The following ZNF277 variants were observed in gnomAD, a reference collection of about 807,000 sequenced individuals.
ZNF277 encodes zinc finger protein 277.
ZNF277 carries 55 observed loss-of-function variants against 60.7 expected under a neutral mutation model. The observed-to-expected ratio is 0.91, with a 90% CI of 0.73 to 1.13. The LOEUF is 1.13. ZNF277 is among the 50% of genes most tolerant of loss of function. The probability of loss-of-function intolerance (pLI) is 0.00; values close to 1 mark genes in which losing one functional copy is unlikely to be tolerated. For missense variants in ZNF277, 510 were observed against 523.0 expected, an observed-to-expected ratio of 0.98 and a Z score of 0.24; for synonymous variants, 178 against 179.3, an observed-to-expected ratio of 0.99 and a Z score of 0.06.
At chr7:112,281,013 A>C (rs929750148) in intron 1 of ZNF277, among the ~76,000 whole-genome samples, 1 of 152,198 alleles carries the variant, frequency 6.6e-6, no homozygotes, top group African/African-American at 2.4e-5. Flanking sequence ...ATCTTACTGA[A>C]TTATGTCTGC....
chr7:112,254,718 C>A (rs1321377194), intron 1 of ZNF277, among the ~76,000 whole-genome samples: 2 of 152,164 alleles, frequency 1.3e-5, no homozygotes, highest in Non-Finnish European at 2.9e-5. Flanking sequence ...GCTGTAATCA[C>A]AGCACTTTGG....
Position 112,206,703 on chromosome 7 carries a change from T to C in ZNF277, c.-14T>C. The C allele has an allele frequency of 6.2e-7, 1 of 1,612,756 alleles. No homozygotes were observed. Among genetic ancestry groups the C allele is most frequent in the Non-Finnish European group, 8.5e-7 (1 of 1,179,598 alleles). On this transcript the variant is annotated 5_prime_UTR_variant, in exon 1 of 12. Coordinates refer to ENST00000361822, the MANE Select transcript of ZNF277 (RefSeq NM_021994.3). ...ACCCGCCCTGCGGCCCTCCCTTTTC[T>C]TTTCTGCCGGGTAATGGCTGCTTCC...
At chr7:112,233,223 G>A (rs2116981111) in intron 1 of ZNF277, among the ~76,000 whole-genome samples, 1 of 152,298 alleles carries the variant, frequency 6.6e-6, no homozygotes, top group South Asian at 2.1e-4. Context: ...CCCAGTAAAT[G>A]TCAGTGTTAC....
chr7:112,311,230 C>T (rs932541273), intron 4 of ZNF277, among the ~76,000 whole-genome samples: 1 of 152,044 alleles, frequency 6.6e-6, no homozygotes, highest in African/African-American at 2.4e-5. Flanking sequence ...CTGCTTTTAG[C>T]TTATGAATAA....
At chr7:112,256,275 G>A (rs1791303783) in intron 1 of ZNF277, among the ~76,000 whole-genome samples, 1 of 151,950 alleles carries the variant, frequency 6.6e-6, no homozygotes, top group African/African-American at 2.4e-5. Flanking sequence ...TTTATCTCCT[G>A]AATGTCTTAT....
At chr7:112,290,325 A>G (rs1792178368) in intron 2 of ZNF277, among the ~76,000 whole-genome samples, 2 of 152,164 alleles carry the variant, frequency 1.3e-5, no homozygotes, top group Non-Finnish European at 2.9e-5. Flanking sequence ...AAGTAGCTAT[A>G]TTTGTACTAA....
intron 2 of ZNF277, among the ~76,000 whole-genome samples, chr7:112,292,830 A>T (rs2117071340): frequency 6.6e-6 from 1 of 152,274 alleles, no homozygotes; most frequent in South Asian, 2.1e-4. Flanking sequence ...CTCTGACGCT[A>T]TTAATATAAC....
intron 1 of ZNF277, among the ~76,000 whole-genome samples, chr7:112,231,038 C>A (rs1411855972): frequency 6.6e-6 from 1 of 152,050 alleles, no homozygotes; most frequent in Non-Finnish European, 1.5e-5. Context: ...CATAGTGAAA[C>A]CCCGTCTCTA....
chr7:112,338,866 T>C (rs969754583), intron 9 of ZNF277, among the ~76,000 whole-genome samples: 3 of 152,220 alleles, frequency 2.0e-5, no homozygotes, highest in Admixed American at 1.3e-4. Flanking sequence ...CTTTCAGTGA[T>C]AACATCACGA....
intron 1 of ZNF277, among the ~76,000 whole-genome samples, chr7:112,255,167 T>C (rs1266101366): frequency 3.3e-5 from 5 of 152,214 alleles, no homozygotes; most frequent in Admixed American, 6.5e-5. Context: ...TAAATAGTGC[T>C]TTTTCTGTTT....
intron 1 of ZNF277, among the ~76,000 whole-genome samples, chr7:112,284,892 C>T (rs991658225): frequency 6.6e-6 from 1 of 152,016 alleles, no homozygotes; most frequent in African/African-American, 2.4e-5. Context: ...TTTTAACTTA[C>T]TTGTACCTTC....
At chr7:112,285,031 T>TTA (rs1792032319) in intron 1 of ZNF277, among the ~76,000 whole-genome samples, 1 of 151,990 alleles carries the variant, frequency 6.6e-6, no homozygotes, top group African/African-American at 2.4e-5. Flanking sequence ...GCTTATATAA[T>TTA]TTCTTTTTTT....
intron 1 of ZNF277, among the ~76,000 whole-genome samples, chr7:112,277,860 T>C (rs898943798): frequency 3.3e-5 from 5 of 152,230 alleles, no homozygotes; most frequent in African/African-American, 1.2e-4. Context: ...TCAGTCTCTT[T>C]TAGGCACCAA....
chr7:112,233,594 C>G (rs1211341414), intron 1 of ZNF277, among the ~76,000 whole-genome samples: 1 of 152,186 alleles, frequency 6.6e-6, no homozygotes, highest in African/African-American at 2.4e-5. Flanking sequence ...TGATATTACT[C>G]CCTTACCAGC....
Position 112,206,875 on chromosome 7 carries a change from C to G in ZNF277, c.91+68C>G. ...TCTCTATGACCGGGTGTGCAACGGA[C>G]CTCTGGTCTGACCCTAGGAGCCCTT... is the stretch of plus-strand genomic sequence containing the variant. On this transcript the variant is annotated intron_variant, in intron 1 of 11. Transcript: ENST00000361822. The G allele has an allele frequency of 3.3e-6, 5 of 1,512,984 alleles. No homozygotes were observed. In the South Asian group the frequency reaches 3.4e-5, roughly 10 times the overall value. The allele number at this position is 1,512,984 out of a possible 1,614,324, so 93.7% of individuals were successfully genotyped here.
At chr7:112,285,102 T>A (rs1334029698) in intron 1 of ZNF277, among the ~76,000 whole-genome samples, 1 of 152,146 alleles carries the variant, frequency 6.6e-6, no homozygotes, top group African/African-American at 2.4e-5. Flanking sequence ...TGATCTCTGC[T>A]CACTGAAACC....
chr7:112,314,014 GAC>G (rs1303421611), intron 4 of ZNF277, among the ~76,000 whole-genome samples: 1 of 152,066 alleles, frequency 6.6e-6, no homozygotes, highest in Non-Finnish European at 1.5e-5. Context: ...AGATGGTTGG[GAC>G]ACAGTTTTCC....
chr7:112,228,692 A>G (rs1450918045), intron 1 of ZNF277, among the ~76,000 whole-genome samples: 1 of 152,002 alleles, frequency 6.6e-6, no homozygotes, highest in African/African-American at 2.4e-5. Flanking sequence ...AGGTAGTCAG[A>G]TTGTACATAG....
chr7:112,206,867 G>A, intron 1 of ZNF277, 60 bp downstream of exon 1: 1 of 1,542,160 alleles, frequency 6.5e-7, no homozygotes, highest in Non-Finnish European at 8.9e-7. Context: ...GACCGGGTGT[G>A]CAACGGACCT....
Sources: gnomAD v4.1 joint callset for allele counts (sites outside exome capture counted in the v4.1 genomes callset) on GRCh38, gnomAD v4.1.1 for gene constraint, MANE v1.5 for transcripts, NCBI Gene and HGNC (gene_info 2026-07-23, HGNC 2026-07-21) for gene names.